TBC1D14: variants seen among roughly 807,000 people sequenced by gnomAD.
TBC1D14 encodes TBC1 domain family, member 14.
TBC1D14 carries 26 observed loss-of-function variants against 79.0 expected under a neutral mutation model. The ratio of observed to expected loss-of-function variants is 0.33; its 90% confidence interval spans 0.24 to 0.46. The LOEUF is 0.46. TBC1D14 is among the 20% of genes least tolerant of loss of function. The pLI is 1.00. For missense variants in TBC1D14, 769 were observed against 887.6 expected, an observed-to-expected ratio of 0.87 and a Z score of 1.70; for synonymous variants, 394 against 349.9, an observed-to-expected ratio of 1.13 and a Z score of -1.40.
At chr4:6,954,186 C>T in intron 2 of TBC1D14, 2 of 669,172 alleles carry the variant, frequency 3.0e-6, no homozygotes, top group Middle Eastern at 3.3e-4. Context: ...GGCGGGGCTC[C>T]GAGTGCACCC....
intron 2 of TBC1D14, among the ~76,000 whole-genome samples, chr4:6,935,386 A>T (rs1278344455): frequency 6.6e-6 from 1 of 152,264 alleles, no homozygotes; most frequent in East Asian, 1.9e-4. Context: ...CATCTGAAGG[A>T]GTGGGATCTA....
chr4:6,969,654 C>T lies in TBC1D14; in HGVS notation c.843+2230C>T, dbSNP rs557042567. On this transcript the variant is annotated intron_variant, in intron 3 of 13. Coordinates refer to ENST00000409757, the MANE Select transcript of TBC1D14 (RefSeq NM_020773.3). ...TCTCCTGACCTTGTGATCCACCTGC[C>T]TCGGCCTCCCAAAGTGCTGGGATTA... Among the ~76,000 whole-genome samples, 10 of 152,218 alleles carry T rather than the reference C, an allele frequency of 6.6e-5. No homozygotes were observed. The South Asian group carries it at 2.1e-3, about 32-fold the overall frequency.
intron 2 of TBC1D14, among the ~76,000 whole-genome samples, chr4:6,935,403 A>C (rs115815391): frequency 0.011 from 1,749 of 152,218 alleles, 30 homozygotes; most frequent in African/African-American, 0.038. Context: ...TCTAGAGTTC[A>C]ACAGAGAAGT....
chr4:6,979,111 G>C (rs569406219), intron 3 of TBC1D14, among the ~76,000 whole-genome samples: 4 of 152,026 alleles, frequency 2.6e-5, no homozygotes, highest in Admixed American at 1.3e-4. Flanking sequence ...ACTATACAAA[G>C]AGATGGCAAA....
At chr4:6,985,050 C>A (rs1205872246) in intron 3 of TBC1D14, among the ~76,000 whole-genome samples, 2 of 152,244 alleles carry the variant, frequency 1.3e-5, no homozygotes, top group Non-Finnish European at 2.9e-5. Flanking sequence ...ATGTGCCCCA[C>A]TTAGATGGAG....
At chr4:6,924,164 C>G in intron 2 of TBC1D14, 53 bp downstream of exon 2, 1 of 1,538,368 alleles carries the variant, frequency 6.5e-7, no homozygotes. Flanking sequence ...CCAGACCAGT[C>G]TCCTTGTTCC....
At chr4:6,998,865 C>G (rs988999481) in intron 5 of TBC1D14, 29 of 509,872 alleles carry the variant, frequency 5.7e-5, no homozygotes, top group Non-Finnish European at 9.9e-5. Flanking sequence ...TCTTTGTGTA[C>G]TTTCCTGTCT....
intron 3 of TBC1D14, among the ~76,000 whole-genome samples, chr4:6,975,275 C>G (rs1248937562): frequency 6.6e-6 from 1 of 152,150 alleles, no homozygotes; most frequent in Non-Finnish European, 1.5e-5. Context: ...AGTGGCGCAT[C>G]TCAGCTCACT....
intron 2 of TBC1D14, among the ~76,000 whole-genome samples, chr4:6,948,655 T>G (rs1251735192): frequency 6.6e-6 from 1 of 151,802 alleles, no homozygotes; most frequent in East Asian, 1.9e-4. Flanking sequence ...AAAGGTGATA[T>G]TGTCAGTTTA....
Position 7,014,522 on chromosome 4 carries a change from G to C in TBC1D14, c.1722G>C (p.Lys574Asn), listed in dbSNP as rs143665343. The change falls in exon 12 of 14, where the codon AAG becomes AAC. Residue 574 changes from lysine to asparagine, a missense_variant. Lys to Asn is a moderately conservative substitution (Grantham distance 94). Coordinates refer to ENST00000409757, the MANE Select transcript of TBC1D14 (RefSeq NM_020773.3). ...CGAAATTATTTGCGCATTTCAAGAAGAACAACCTAACTCCAGATATCTACC... is the reference window on the plus strand; with the variant it reads ...CGAAATTATTTGCGCATTTCAAGAACAACAACCTAACTCCAGATATCTACC... ...NLPKLFAHFK[K>N]NNLTPDIYLI... is the part of the protein sequence containing the mutation. 97 of 1,613,690 alleles carry C rather than the reference G, an allele frequency of 6.0e-5. No individual in the cohort carries two copies. Among genetic ancestry groups the C allele is most frequent in the Admixed American group, 2.2e-4 (13 of 59,994 alleles).
At chr4:6,955,385 C>T (rs1484017977) in intron 2 of TBC1D14, among the ~76,000 whole-genome samples, 5 of 152,170 alleles carry the variant, frequency 3.3e-5, no homozygotes, top group South Asian at 2.1e-4. Flanking sequence ...CCTGTCCGTA[C>T]GGTGGCGGCT....
intron 3 of TBC1D14, among the ~76,000 whole-genome samples, chr4:6,977,714 AGG>A (rs2109083131): frequency 2.2e-5 from 2 of 89,256 alleles, no homozygotes; most frequent in Admixed American, 2.3e-4. Context: ...CTAGGAAGTG[AGG>A]AGCGTCTCTG....
chr4:7,023,262 A>G (rs1383478800), intron 12 of TBC1D14, among the ~76,000 whole-genome samples: 2 of 152,156 alleles, frequency 1.3e-5, no homozygotes, highest in African/African-American at 4.8e-5. Context: ...TCTCAAGAAA[A>G]AAACAAAACA....
chr4:7,005,072 G>GT (rs200786665), intron 8 of TBC1D14, 148 bp downstream of exon 8: 18,710 of 762,010 alleles, frequency 0.025, 522 homozygotes, highest in African/African-American at 0.12. Flanking sequence ...TTTTTGTTTT[G>GT]TTTTTTTTAG....
intron 7 of TBC1D14, among the ~76,000 whole-genome samples, chr4:7,003,886 C>A (rs1394645011): frequency 6.6e-6 from 1 of 151,892 alleles, no homozygotes; most frequent in Non-Finnish European, 1.5e-5. Context: ...CACCTGTAAT[C>A]CCACCTATTC....
chr4:7,025,630 C>T (rs1722287665), intron 13 of TBC1D14, among the ~76,000 whole-genome samples: 1 of 152,218 alleles, frequency 6.6e-6, no homozygotes, highest in Admixed American at 6.5e-5. Flanking sequence ...CAAAGTGGAC[C>T]CACTTACTGA....
chr4:7,000,431 G>A (rs565593021), intron 6 of TBC1D14, among the ~76,000 whole-genome samples: 1 of 152,354 alleles, frequency 6.6e-6, no homozygotes, highest in East Asian at 1.9e-4. Flanking sequence ...GTTCAGAGAG[G>A]AGAGATCATT....
At chr4:7,029,904 C>T (rs567353631) in intron 13 of TBC1D14, among the ~76,000 whole-genome samples, 51 of 152,194 alleles carry the variant, frequency 3.4e-4, no homozygotes, top group Non-Finnish European at 6.3e-4. Flanking sequence ...CTCAGGAAGG[C>T]AGGCAAGAGG....
At chr4:6,958,704 G>A (rs1031659260) in intron 2 of TBC1D14, among the ~76,000 whole-genome samples, 7 of 152,146 alleles carry the variant, frequency 4.6e-5, no homozygotes, top group South Asian at 2.1e-4. Context: ...CAAAGTGCTG[G>A]GATTATAGGT....
Sources: allele counts gnomAD v4.1 joint callset (sites outside exome capture counted in the v4.1 genomes callset), GRCh38; gene constraint gnomAD v4.1.1; transcripts MANE v1.5; gene names NCBI Gene and HGNC (gene_info 2026-07-23, HGNC 2026-07-21).